The following UGT1A4 variants were observed in gnomAD, a reference collection of about 807,000 sequenced individuals.
UGT1A4 encodes the protein UDP-glucuronosyltransferase 1A4.
In UGT1A4, 32 loss-of-function variants were observed where a neutral mutation model predicts 41.1. The observed-to-expected ratio is 0.78, with a 90% CI of 0.59 to 1.05. The LOEUF (loss-of-function observed/expected upper bound fraction) is 1.05, where lower values mean the gene tolerates loss of function less well. Among genes scored for constraint, UGT1A4 ranks in the 50% least tolerant of loss-of-function variants. UGT1A4 has a pLI of 0.00. For synonymous variants in UGT1A4, 283 were observed against 265.1 expected, an observed-to-expected ratio of 1.07 and a Z score of -0.66; for missense variants, 748 against 677.4, an observed-to-expected ratio of 1.10 and a Z score of -1.16.
At chr2:233,732,404 T>C (rs956543939) in intron 1 of UGT1A4, among the ~76,000 whole-genome samples, 10 of 152,268 alleles carry the variant, frequency 6.6e-5, no homozygotes, top group African/African-American at 2.2e-4. Flanking sequence ...GCCTAAATGA[T>C]ATTGCCTAGG....
chr2:233,718,930 A>T lies in UGT1A4; in HGVS notation c.110A>T (p.Asp37Val). 1.9e-6 allele frequency: 3 copies of T among 1,614,066 alleles called. No individual in the cohort carries two copies. Among genetic ancestry groups the T allele is most frequent in the African/African-American group, 1.3e-5 (1 of 75,026 alleles). ...ESGKVLVVPT[D>V]GSPWLSMREA... is the part of the protein sequence containing the mutation. ...GGAAAGGTGTTGGTGGTGCCCACTG[A>T]TGGCAGCCCCTGGCTCAGCATGCGG... Residue 37 changes from aspartate (D) to valine (V), a missense_variant, in exon 1 of 5, where the codon GAT becomes GTT. Asp to Val is a radical substitution (Grantham distance 152). Coordinates refer to ENST00000373409, the MANE Select transcript of UGT1A4 (RefSeq NM_007120.3).
intron 1 of UGT1A4, among the ~76,000 whole-genome samples, chr2:233,761,928 C>A (rs183537343): frequency 6.6e-6 from 1 of 152,346 alleles, no homozygotes; most frequent in Non-Finnish European, 1.5e-5. Flanking sequence ...AGCCCAGGCA[C>A]TTCCCAGGTG....
chr2:233,760,166 G>A (rs2125979528), intron 1 of UGT1A4: 1 of 1,522,128 alleles, frequency 6.6e-7, no homozygotes, highest in African/African-American at 1.4e-5. Context: ...TACCTTTGTG[G>A]ACTGACAGCT....
chr2:233,747,906 G>C, intron 1 of UGT1A4: 1 of 1,613,472 alleles, frequency 6.2e-7, no homozygotes, highest in Non-Finnish European at 8.5e-7. Context: ...TGCTCCTTAT[G>C]CAAGCCTTGC....
At position 233,719,255 on chromosome 2, in the gene UGT1A4, C is replaced by T. The variant is rs1240913089; in HGVS notation, c.435C>T (p.Ser145=). ...EALIRHLNAT[S]FDVVLTDPVN... The stretch of plus-strand genomic sequence containing the variant: ...TGATCAGGCACCTGAATGCTACTTC[C>T]TTTGATGTGGTTTTAACAGACCCCG... Residue 145 remains serine, a synonymous_variant, in exon 1 of 5, where the codon TCC becomes TCT. Coordinates refer to ENST00000373409, the MANE Select transcript of UGT1A4 (RefSeq NM_007120.3). 4 of 1,614,024 alleles carry T rather than the reference C, an allele frequency of 2.5e-6. No individual in the cohort carries two copies. The highest frequency in any genetic ancestry group is 3.4e-6 in the Non-Finnish European group (4 of 1,180,024).
At chr2:233,747,962 C>G (rs780665543) in intron 1 of UGT1A4, 4 of 1,613,470 alleles carry the variant, frequency 2.5e-6, no homozygotes, top group Non-Finnish European at 2.5e-6. Context: ...ATCTTCTCAG[C>G]CATGCATCTG....
At chr2:233,724,165 C>G (rs1303959593) in intron 1 of UGT1A4, among the ~76,000 whole-genome samples, 1 of 112,732 alleles carries the variant, frequency 8.9e-6, no homozygotes, top group African/African-American at 4.2e-5. Context: ...GGGGGGCTGA[C>G]CCCCCCATCT....
chr2:233,771,824 C>T (rs981905786), intron 4 of UGT1A4, among the ~76,000 whole-genome samples: 9 of 144,512 alleles, frequency 6.2e-5, no homozygotes, highest in Non-Finnish European at 1.4e-4. Context: ...TCCTTGCTTC[C>T]TTCCCTCCTT....
chr2:233,729,788 C>A, intron 1 of UGT1A4: 2 of 1,613,954 alleles, frequency 1.2e-6, no homozygotes, highest in Non-Finnish European at 1.7e-6. Context: ...CTGGCCCTGT[C>A]CTACATTTGC....
chr2:233,725,800 A>G (rs1559371046), intron 1 of UGT1A4, among the ~76,000 whole-genome samples: 1 of 152,288 alleles, frequency 6.6e-6, no homozygotes, highest in East Asian at 1.9e-4. Flanking sequence ...AATAATCCTT[A>G]AAATCCATTT....
chr2:233,752,556 A>C (rs1374384067), intron 1 of UGT1A4: 1 of 152,204 alleles, frequency 6.6e-6, no homozygotes, highest in Non-Finnish European at 1.5e-5. Context: ...TTGCTGGGAC[A>C]ACATAGTGGG....
In UGT1A4 at chr2:233,755,120, A is replaced by G. The variant is rs768427236; in HGVS notation, c.868-11914A>G. 115 of 1,328,248 alleles carry G rather than the reference A, an allele frequency of 8.7e-5. 2 individuals are homozygous for G. Among genetic ancestry groups the G allele is most frequent in the Admixed American group, 1.9e-4 (10 of 52,520 alleles). 82.3% of individuals were successfully genotyped at this position (1,328,248 alleles called of 1,614,324 possible). On this transcript the variant is annotated intron_variant, in intron 1 of 4. Transcript: ENST00000373409. ...CGTCCGACAACACCTCGTAGGCCTC[A>G]GCCACCTGCTTGAATCTTCTCACCG...
At chr2:233,749,503 T>C (rs1362784067) in intron 1 of UGT1A4, among the ~76,000 whole-genome samples, 2 of 151,872 alleles carry the variant, frequency 1.3e-5, no homozygotes, top group African/African-American at 2.4e-5. Flanking sequence ...CTTAGAGAAT[T>C]AGAGAACACT....
chr2:233,757,549 T>TATATATATATATATATATATATAC (rs1696618435), intron 1 of UGT1A4, among the ~76,000 whole-genome samples: 1 of 133,970 alleles, frequency 7.5e-6, no homozygotes, highest in East Asian at 2.0e-4. Flanking sequence ...TATATATATA[T>TATATATATATATATATATATATAC]ATATATATAT....
intron 1 of UGT1A4, among the ~76,000 whole-genome samples, chr2:233,726,819 C>T (rs181866502): frequency 3.3e-5 from 5 of 152,224 alleles, no homozygotes; most frequent in Admixed American, 6.5e-5. Context: ...TTCCTCTATT[C>T]GACCATTTAA....
intron 1 of UGT1A4, among the ~76,000 whole-genome samples, chr2:233,725,356 T>C (rs148228009): frequency 7.0e-6 from 1 of 143,138 alleles, no homozygotes; most frequent in East Asian, 2.0e-4. Context: ...GAATGTTTCT[T>C]ATGAAGACAC....
At chr2:233,743,650 G>C (rs556129739) in intron 1 of UGT1A4, 34 of 1,367,276 alleles carry the variant, frequency 2.5e-5, no homozygotes, top group East Asian at 9.1e-5. Flanking sequence ...AGCTGAAGAC[G>C]TACTCGAAGG....
At chr2:233,743,465 CA>C (rs1314661599) in intron 1 of UGT1A4, 5 of 1,366,480 alleles carry the variant, frequency 3.7e-6, no homozygotes, top group Middle Eastern at 4.2e-4. Flanking sequence ...AAAACACCCC[CA>C]AAAGCTGGAA....
intron 1 of UGT1A4, among the ~76,000 whole-genome samples, chr2:233,728,362 AC>A (rs1475063601): frequency 1.3e-5 from 2 of 152,120 alleles, no homozygotes; most frequent in East Asian, 3.9e-4. Flanking sequence ...AGCTCCCTGA[AC>A]CCACCATGGG....
Sources: gnomAD v4.1 joint callset for allele counts (sites outside exome capture counted in the v4.1 genomes callset) on GRCh38, gnomAD v4.1.1 for gene constraint, MANE v1.5 for transcripts, NCBI Gene and HGNC (gene_info 2026-07-23, HGNC 2026-07-21) for gene names.